ARHGEF10L: variants seen among roughly 807,000 people sequenced by gnomAD.
The protein encoded by ARHGEF10L is Rho guanine nucleotide exchange factor 10 like.
ARHGEF10L carries 69 observed loss-of-function variants against 141.2 expected under a neutral mutation model. That is an observed-to-expected ratio of 0.49 (90% CI 0.40 to 0.60). The LOEUF (loss-of-function observed/expected upper bound fraction) is 0.60. Among genes scored for constraint, ARHGEF10L ranks in the 20% least tolerant of loss-of-function variants. The probability of loss-of-function intolerance (pLI) is 0.00; values close to 1 mark genes in which losing one functional copy is unlikely to be tolerated. For missense variants in ARHGEF10L, 1,482 were observed against 1,734.3 expected (o/e 0.85, Z 2.58); for synonymous variants, 711 against 718.5 (o/e 0.99, Z 0.17).
intron 1 of ARHGEF10L, among the ~76,000 whole-genome samples, chr1:17,559,793 T>G (rs892512363): frequency 1.6e-4 from 24 of 152,082 alleles, no homozygotes; most frequent in Admixed American, 2.0e-4. Flanking sequence ...GTCAGGCTGG[T>G]GCCATTTCAT....
At chr1:17,602,415 A>T (rs932554799) in intron 5 of ARHGEF10L, among the ~76,000 whole-genome samples, 197 bp downstream of exon 5, 3 of 152,154 alleles carry the variant, frequency 2.0e-5, no homozygotes, top group African/African-American at 7.2e-5. Context: ...CCAGTTTTTC[A>T]TCTGCTCCTC....
intron 15 of ARHGEF10L, 48 bp from the exon 16 acceptor site, chr1:17,632,273 G>A: frequency 1.2e-6 from 2 of 1,605,858 alleles, no homozygotes; most frequent in Non-Finnish European, 1.7e-6. Context: ...GCGCGGTAAA[G>A]CCGCCGGGCC....
At chr1:17,663,435 C>T (rs2062762823) in intron 25 of ARHGEF10L, among the ~76,000 whole-genome samples, 1 of 152,032 alleles carries the variant, frequency 6.6e-6, no homozygotes, top group Non-Finnish European at 1.5e-5. Context: ...CGCCTATAAT[C>T]TCAGCTACTT....
rs1316078565 is a variant in ARHGEF10L at position 17,558,620 on chromosome 1, G to A, written c.-44+18670G>A. On this transcript the variant is annotated intron_variant, in intron 1 of 28. Transcript: ENST00000361221. This position sits in a 1 kb window ranked among gnomAD's most constrained non-coding sequence, Gnocchi z 4.2. ...GGCCCTGGAAGGGTCTTGCCTTTGG[G>A]AAGGCAGGTCATCGTGGCTGGGGCA... is the stretch of plus-strand genomic sequence containing the variant. 6.6e-6 allele frequency among the ~76,000 whole-genome samples: 1 copy of A among 152,234 alleles called. No individual in the cohort carries two copies. The highest frequency in any genetic ancestry group is 2.4e-5 in the African/African-American group (1 of 41,472).
At chr1:17,618,992 G>A (rs554250751) in intron 9 of ARHGEF10L, among the ~76,000 whole-genome samples, 1 of 152,316 alleles carries the variant, frequency 6.6e-6, no homozygotes, top group African/African-American at 2.4e-5. Flanking sequence ...TGGGCAGCTA[G>A]CCTTCGCCAG....
Position 17,639,338 on chromosome 1 carries a change from T to C in ARHGEF10L, c.2171+649T>C, listed in dbSNP as rs979177559. ...GGTCTGACTCTGAAGCCCAGGCCAG[T>C]GCAATGAGGGGGCTCAATGCCCAGG... On this transcript the variant is annotated intron_variant, in intron 20 of 28. Coordinates refer to ENST00000361221, the MANE Select transcript of ARHGEF10L (RefSeq NM_018125.4). The surrounding 1 kb of genome is among the most constrained non-coding windows in gnomAD (Gnocchi z 4.3). Among the ~76,000 whole-genome samples the C allele has an allele frequency of 6.6e-6, 1 of 152,214 alleles. No homozygotes were observed. The highest frequency in any genetic ancestry group is 1.5e-5 in the Non-Finnish European group (1 of 68,028).
chr1:17,609,350 A>G (rs564734884), intron 7 of ARHGEF10L, among the ~76,000 whole-genome samples: 29 of 152,304 alleles, frequency 1.9e-4, no homozygotes, highest in African/African-American at 6.7e-4. Flanking sequence ...GTTTCCAGGG[A>G]TGGGCCTCCA....
intron 2 of ARHGEF10L, among the ~76,000 whole-genome samples, chr1:17,582,049 G>A (rs868752947): frequency 2.6e-5 from 4 of 152,146 alleles, no homozygotes; most frequent in African/African-American, 2.4e-5. Flanking sequence ...ACCTTTGCAG[G>A]CTATTAGGAA....
the ARHGEF10L span, among the ~76,000 whole-genome samples, chr1:17,513,622 G>A: frequency 6.6e-6 from 1 of 152,140 alleles, no homozygotes; most frequent in Non-Finnish European, 1.5e-5. Flanking sequence ...GGGCCATAGA[G>A]CTGCATTAAG....
intron 4 of ARHGEF10L, among the ~76,000 whole-genome samples, chr1:17,598,126 A>G (rs995629759): frequency 6.8e-6 from 1 of 147,056 alleles, no homozygotes; most frequent in Non-Finnish European, 1.5e-5. Flanking sequence ...TTTTGAGATG[A>G]AGTATTGCCC....
chr1:17,696,728 A>G (rs2065531286), intron 28 of ARHGEF10L, 120 bp from the exon 29 acceptor site: 2 of 1,075,848 alleles, frequency 1.9e-6, no homozygotes, highest in Non-Finnish European at 2.6e-6. Context: ...AGGTGCCAAC[A>G]TAGACAGAAG....
At chr1:17,675,410 G>A (rs2063585538) in intron 26 of ARHGEF10L, among the ~76,000 whole-genome samples, 1 of 152,186 alleles carries the variant, frequency 6.6e-6, no homozygotes, top group African/African-American at 2.4e-5. Context: ...TGGGTGCTGA[G>A]CAGATACTGT....
intron 1 of ARHGEF10L, among the ~76,000 whole-genome samples, chr1:17,570,101 T>A (rs2077931520): frequency 6.6e-6 from 1 of 152,186 alleles, no homozygotes; most frequent in African/African-American, 2.4e-5. Flanking sequence ...GGGCCCGACT[T>A]GGGACGAGGG....
chr1:17,576,838 C>G (rs2078244090), intron 1 of ARHGEF10L, among the ~76,000 whole-genome samples: 2 of 152,216 alleles, frequency 1.3e-5, no homozygotes, highest in South Asian at 4.1e-4. Context: ...CCTGAATCAT[C>G]CCGGCACCAA....
At chr1:17,646,802 C>T (rs545868305) in intron 21 of ARHGEF10L, among the ~76,000 whole-genome samples, 136 of 152,036 alleles carry the variant, frequency 8.9e-4, no homozygotes, top group African/African-American at 3.0e-3. Context: ...GGGCCCGTCC[C>T]GGCGAGGTTG....
At chr1:17,636,812 C>G (rs1181621500) in intron 18 of ARHGEF10L, among the ~76,000 whole-genome samples, 1 of 152,090 alleles carries the variant, frequency 6.6e-6, no homozygotes, top group Non-Finnish European at 1.5e-5. Context: ...TAAGGCTTCC[C>G]CTCCACTCCC....
chr1:17,578,409 G>T (rs1004311783), intron 1 of ARHGEF10L, among the ~76,000 whole-genome samples: 4 of 152,254 alleles, frequency 2.6e-5, no homozygotes, highest in African/African-American at 9.6e-5. Flanking sequence ...ATGCAGGCAG[G>T]TGTCAGGGTT....
intron 3 of ARHGEF10L, 126 bp from the exon 4 acceptor site, chr1:17,588,318 CAG>C: frequency 1.0e-6 from 1 of 972,358 alleles, no homozygotes; most frequent in Non-Finnish European, 1.6e-6. Context: ...CGGGGCTCAG[CAG>C]GCACCCAGAC....
Position 17,697,717 on chromosome 1 carries a change from GGTGTGTGCGTGTGAGTGTGTGCGA to G in ARHGEF10L, c.*345_*368del, listed in dbSNP as rs1180585929. 1 of 515,732 alleles carries G rather than the reference GGTGTGTGCGTGTGAGTGTGTGCGA, an allele frequency of 1.9e-6. No individual in the cohort carries two copies. Among genetic ancestry groups the G allele is most frequent in the Non-Finnish European group, 3.7e-6 (1 of 266,696 alleles). The allele number at this position is 515,732 out of a possible 1,614,324, so 31.9% of individuals were successfully genotyped here. On this transcript the variant is annotated 3_prime_UTR_variant, in exon 29 of 29. Coordinates refer to ENST00000361221, the MANE Select transcript of ARHGEF10L (RefSeq NM_018125.4). This position sits in a 1 kb window ranked among gnomAD's most constrained non-coding sequence, Gnocchi z 4.8. ...GGCAGCCACACGCCCCTCCTGGAAG[GGTGTGTGCGTGTGAGTGTGTGCGA>G]GTGTGTGGGCTGGTGTGTGAATATC...
Sources: gnomAD v4.1 joint callset for allele counts (sites outside exome capture counted in the v4.1 genomes callset) on GRCh38, gnomAD v4.1.1 for gene constraint, Gnocchi (gnomAD v3.1) non-coding constraint, MANE v1.5 for transcripts, NCBI Gene and HGNC (gene_info 2026-07-23, HGNC 2026-07-21) for gene names.